Variants in F13A1 observed in about 807,000 individuals in gnomAD.
F13A1 encodes coagulation factor XIII A chain, also known as FSF, A subunit.
In F13A1, 47 loss-of-function variants were observed where a neutral mutation model predicts 80.1. The observed-to-expected ratio is 0.59, with a 90% CI of 0.46 to 0.75. F13A1 has a LOEUF of 0.75. Ranked by LOEUF, F13A1 falls within the 30% of genes least tolerant of loss-of-function variation. The pLI, the probability that F13A1 is intolerant of heterozygous loss-of-function variation, is 0.00. For synonymous variants in F13A1, 349 were observed against 344.9 expected, an observed-to-expected ratio of 1.01 and a Z score of -0.13; for missense variants, 817 against 930.4, an observed-to-expected ratio of 0.88 and a Z score of 1.59.
intron 7 of F13A1, among the ~76,000 whole-genome samples, chr6:6,222,976 G>A (rs912714361): frequency 1.3e-5 from 2 of 152,110 alleles, no homozygotes; most frequent in Non-Finnish European, 2.9e-5. Flanking sequence ...CGGGCCTCCC[G>A]TTCCCATTTT....
intron 13 of F13A1, among the ~76,000 whole-genome samples, chr6:6,161,425 C>T (rs1379842703): frequency 6.6e-6 from 1 of 152,048 alleles, no homozygotes; most frequent in Non-Finnish European, 1.5e-5. Context: ...TGTCAATCCC[C>T]CCAGTGCAGT....
chr6:6,302,317 G>C (rs1194714295), intron 3 of F13A1, among the ~76,000 whole-genome samples: 1 of 152,136 alleles, frequency 6.6e-6, no homozygotes, highest in Non-Finnish European at 1.5e-5. Flanking sequence ...TTAGGCAGGT[G>C]ATTTTGTCAT....
intron 2 of F13A1, among the ~76,000 whole-genome samples, chr6:6,306,799 C>T (rs1758518897): frequency 6.6e-6 from 1 of 152,342 alleles, no homozygotes; most frequent in East Asian, 1.9e-4. Context: ...TGAGCTTGTA[C>T]CCATGCCGGG....
chr6:6,314,085 G>A (rs991139498), intron 2 of F13A1, among the ~76,000 whole-genome samples: 29 of 151,036 alleles, frequency 1.9e-4, no homozygotes, highest in Middle Eastern at 3.4e-3. Context: ...AGGTTCAAGC[G>A]ATTCTCCTGC....
chr6:6,194,644 A>G (rs188904465), intron 10 of F13A1, among the ~76,000 whole-genome samples: 2 of 152,296 alleles, frequency 1.3e-5, no homozygotes, highest in African/African-American at 2.4e-5. Flanking sequence ...TGCTCTCTAC[A>G]TGGCCCACCT....
intron 4 of F13A1, among the ~76,000 whole-genome samples, chr6:6,265,386 G>T (rs546290053): frequency 3.4e-4 from 52 of 152,216 alleles, no homozygotes; most frequent in African/African-American, 1.2e-3. Flanking sequence ...ACCTAGAAGT[G>T]GTCTCTCCCA....
chr6:6,153,300 G>A (rs1760412527), intron 13 of F13A1, among the ~76,000 whole-genome samples: 1 of 152,204 alleles, frequency 6.6e-6, no homozygotes, highest in African/African-American at 2.4e-5. Context: ...GCCCAGAGAA[G>A]AGGACCCTTG....
chr6:6,174,523 A>G, intron 12 of F13A1, 57 bp downstream of exon 12: 6 of 1,590,610 alleles, frequency 3.8e-6, no homozygotes, highest in Non-Finnish European at 5.2e-6. Flanking sequence ...ATTAACACCT[A>G]GCAAGACAGG....
rs116260234 is a variant in F13A1, at chr6:6,169,923, C to T, written c.1748-2305G>A. 5.7e-3 allele frequency among the ~76,000 whole-genome samples: 866 copies of T among 152,316 alleles called. 11 individuals are homozygous for T. Among genetic ancestry groups the T allele is most frequent in the African/African-American group, 0.02 (824 of 41,584 alleles). On this transcript the variant is annotated intron_variant, in intron 12 of 14. Transcript: ENST00000264870. ...TCCATTTAGAGCTGACTCTTTAAAG[C>T]TATGACCTTGCCTTGACCTTGGCCC... is the stretch of plus-strand genomic sequence containing the variant.
At chr6:6,267,505 C>T (rs938123677) in intron 3 of F13A1, among the ~76,000 whole-genome samples, 2 of 152,148 alleles carry the variant, frequency 1.3e-5, no homozygotes, top group African/African-American at 4.8e-5. Flanking sequence ...TTGGGATGAG[C>T]TTGCCCTTTT....
At chr6:6,270,100 A>G (rs1333108453) in intron 3 of F13A1, among the ~76,000 whole-genome samples, 1 of 152,220 alleles carries the variant, frequency 6.6e-6, no homozygotes, top group Non-Finnish European at 1.5e-5. Flanking sequence ...CTACTCTTGT[A>G]AGAGCAGAGT....
At chr6:6,145,934 T>A (rs944518012) in intron 14 of F13A1, among the ~76,000 whole-genome samples, 162 bp from the exon 15 acceptor site, 4 of 152,180 alleles carry the variant, frequency 2.6e-5, no homozygotes, top group Non-Finnish European at 4.4e-5. Flanking sequence ...ATGCCCCAAA[T>A]GAGGCCCCCA....
At chr6:6,299,967 A>G (rs1301991390) in intron 3 of F13A1, among the ~76,000 whole-genome samples, 1 of 147,232 alleles carries the variant, frequency 6.8e-6, no homozygotes, top group African/African-American at 2.7e-5. Context: ...TCCTTCTAAC[A>G]GACAGGACAC....
intron 4 of F13A1, among the ~76,000 whole-genome samples, chr6:6,259,670 G>A (rs1002015220): frequency 2.0e-5 from 3 of 152,180 alleles, no homozygotes; most frequent in African/African-American, 7.2e-5. Flanking sequence ...ATGACAGGGT[G>A]CGGCGAACCT....
intron 6 of F13A1, among the ~76,000 whole-genome samples, chr6:6,235,668 T>C (rs1757404309): frequency 1.3e-5 from 2 of 152,062 alleles, no homozygotes; most frequent in Non-Finnish European, 1.5e-5. Flanking sequence ...CACTTTAGAC[T>C]CTCATATGCT....
rs17141935 is a variant in F13A1, at chr6:6,253,455, C to T, written c.572-2526G>A. On this transcript the variant is annotated intron_variant, in intron 4 of 14. Coordinates refer to ENST00000264870, the MANE Select transcript of F13A1 (RefSeq NM_000129.4). ...TGTGATCATACAAATCTGCTGTTAC[C>T]CTGAGGAAAATATGACCCAGCAAGC... is the stretch of plus-strand genomic sequence containing the variant. Among the ~76,000 whole-genome samples, 618 of 152,088 alleles carry T rather than the reference C, an allele frequency of 4.1e-3. 1 individual carries two copies. Among genetic ancestry groups the T allele is most frequent in the African/African-American group, 0.014 (587 of 41,476 alleles).
intron 13 of F13A1, among the ~76,000 whole-genome samples, chr6:6,158,905 C>CTT (rs757943032): frequency 7.3e-5 from 7 of 95,954 alleles, no homozygotes; most frequent in Non-Finnish European, 1.1e-4. Context: ...TTTTTTCTTT[C>CTT]TTTTTTTTTT....
chr6:6,156,769 T>A (rs1212947087), intron 13 of F13A1, among the ~76,000 whole-genome samples: 2 of 152,222 alleles, frequency 1.3e-5, no homozygotes, highest in Non-Finnish European at 2.9e-5. Flanking sequence ...TAGGGCTATT[T>A]ATAATTAAAT....
chr6:6,196,590 G>A (rs920601097), intron 9 of F13A1, among the ~76,000 whole-genome samples: 1 of 152,078 alleles, frequency 6.6e-6, no homozygotes, highest in African/African-American at 2.4e-5. Context: ...TGTGCCCATC[G>A]ATATATCAAC....
Sources: gnomAD v4.1 joint callset for allele counts (sites outside exome capture counted in the v4.1 genomes callset) on GRCh38, gnomAD v4.1.1 for gene constraint, MANE v1.5 for transcripts, NCBI Gene and HGNC (gene_info 2026-07-23, HGNC 2026-07-21) for gene names.